The following FOXR1 variants were observed in gnomAD, a reference collection of about 807,000 sequenced individuals.
FOXR1 encodes the protein forkhead box protein R1.
A neutral mutation model predicts 34.5 loss-of-function variants in FOXR1; 25 were observed. The observed-to-expected ratio is 0.72, with a 90% CI of 0.53 to 1.01. The LOEUF is 1.01. Among genes scored for constraint, FOXR1 ranks in the 50% least tolerant of loss-of-function variants. FOXR1 has a pLI of 0.00. For synonymous variants in FOXR1, 153 were observed against 141.6 expected (o/e 1.08, Z -0.57); for missense variants, 373 against 376.2 (o/e 0.99, Z 0.07).
In FOXR1 at chr11:118,980,742, T is replaced by C. The variant is rs1252898038; in HGVS notation, c.850+14T>C. 2 of 1,604,636 alleles carry C rather than the reference T, an allele frequency of 1.2e-6. No individual in the cohort carries two copies. Among genetic ancestry groups the C allele is most frequent in the Non-Finnish European group, 1.7e-6 (2 of 1,176,284 alleles). ...TGAGCCAGCCAGGTGTGAAGACTTGTTGTGCGTGGGCCCAAGGGGAAGAGA... is the reference window on the plus strand; with the variant it reads ...TGAGCCAGCCAGGTGTGAAGACTTGCTGTGCGTGGGCCCAAGGGGAAGAGA... On this transcript the variant is annotated intron_variant, in intron 5 of 5. Coordinates refer to ENST00000317011, the MANE Select transcript of FOXR1 (RefSeq NM_181721.3).
At chr11:118,977,087 G>A (rs1941788193) in intron 1 of FOXR1, among the ~76,000 whole-genome samples, 1 of 152,166 alleles carries the variant, frequency 6.6e-6, no homozygotes, top group Non-Finnish European at 1.5e-5. Flanking sequence ...CTGGAGTGTA[G>A]TGGCACGATC....
intron 1 of FOXR1, among the ~76,000 whole-genome samples, chr11:118,976,093 G>A (rs1473732009): frequency 6.6e-6 from 1 of 152,230 alleles, no homozygotes; most frequent in South Asian, 2.1e-4. Context: ...GCATAAATGA[G>A]GTTACGGAGA....
chr11:118,973,248 A>G (rs1941737805), intron 1 of FOXR1, among the ~76,000 whole-genome samples: 1 of 152,202 alleles, frequency 6.6e-6, no homozygotes, highest in Non-Finnish European at 1.5e-5. Flanking sequence ...TGAATAGAAC[A>G]GACAAGGAAC....
chr11:118,981,071 G>A (rs1037235607), intron 5 of FOXR1, 137 bp from the exon 6 acceptor site: 5 of 837,682 alleles, frequency 6.0e-6, no homozygotes, highest in East Asian at 2.4e-5. Flanking sequence ...CTGGAGCAGT[G>A]CAGGGAGGCT....
chr11:118,978,661 A>G, intron 1 of FOXR1, 121 bp from the exon 2 acceptor site: 1 of 953,764 alleles, frequency 1.0e-6, no homozygotes, highest in Non-Finnish European at 1.7e-6. Flanking sequence ...GTAGAATGTG[A>G]TGTTAACTCC....
chr11:118,972,613 C>CT (rs796683351), intron 1 of FOXR1, among the ~76,000 whole-genome samples: 4,840 of 76,854 alleles, frequency 0.063, 215 homozygotes, highest in African/African-American at 0.15. Context: ...TGGATTAACT[C>CT]TTTTTTTTTT....
chr11:118,972,128 C>CG (rs1941713925), intron 1 of FOXR1, 136 bp downstream of exon 1: 4 of 450,072 alleles, frequency 8.9e-6, no homozygotes, highest in Non-Finnish European at 1.3e-5. Context: ...GAGCGCCCCG[C>CG]GCCCCCCCCC....
Position 118,971,822 on chromosome 11 carries a change from C to G in FOXR1, c.-110C>G, listed in dbSNP as rs965947092. The stretch of plus-strand genomic sequence containing the variant: ...CCGCCGCGCTCCCACTCCGCGTCCC[C>G]ACTCCGCGCCGCCGCGCCTCTGCCA... On this transcript the variant is annotated 5_prime_UTR_variant, in exon 1 of 6. Coordinates refer to ENST00000317011, the MANE Select transcript of FOXR1 (RefSeq NM_181721.3). 50 of 1,223,918 alleles carry G rather than the reference C, an allele frequency of 4.1e-5. No homozygotes were observed. The highest frequency in any genetic ancestry group is 3.1e-4 in the South Asian group (24 of 77,520). The allele number at this position is 1,223,918 out of a possible 1,614,324, so 75.8% of individuals were successfully genotyped here. A position where few individuals can be genotyped will look rare whatever the true frequency, so the allele number is the denominator to read the frequency against.
chr11:118,977,283 C>T (rs528873301), intron 1 of FOXR1, among the ~76,000 whole-genome samples: 5 of 152,194 alleles, frequency 3.3e-5, no homozygotes, highest in Non-Finnish European at 7.4e-5. Context: ...CCACCTGCCT[C>T]GGCCTCCCAA....
chr11:118,971,789 C>T lies in FOXR1; in HGVS notation c.-143C>T, dbSNP rs550960107. 2.6e-5 allele frequency: 22 copies of T among 840,684 alleles called. No individual in the cohort carries two copies. Among genetic ancestry groups the T allele is most frequent in the African/African-American group, 1.7e-4 (10 of 59,622 alleles). 52.1% of individuals were successfully genotyped at this position (840,684 alleles called of 1,614,324 possible). A position where few individuals can be genotyped will look rare whatever the true frequency, so the allele number is the denominator to read the frequency against. ...TTTGAGAAGGCGCCTGTGAGGGTCG[C>T]TCCTCAGCCGCCGCGCTCCCACTCC... On this transcript the variant is annotated 5_prime_UTR_variant, in exon 1 of 6. Coordinates refer to ENST00000317011, the MANE Select transcript of FOXR1 (RefSeq NM_181721.3).
chr11:118,978,720 T>G, intron 1 of FOXR1, 62 bp from the exon 2 acceptor site: 1 of 1,580,052 alleles, frequency 6.3e-7, no homozygotes, highest in Non-Finnish European at 8.7e-7. Flanking sequence ...AGGCCTAGGA[T>G]CCTAGGGTCA....
At chr11:118,974,799 T>C (rs1225731018) in intron 1 of FOXR1, among the ~76,000 whole-genome samples, 2 of 152,080 alleles carry the variant, frequency 1.3e-5, no homozygotes, top group African/African-American at 4.8e-5. Flanking sequence ...TGCTGATGGA[T>C]TGGATATGGC....
chr11:118,980,635 T>A lies in FOXR1; in HGVS notation c.757T>A (p.Leu253Met), dbSNP rs1437820365. The change falls in exon 5 of 6, where the codon TTG becomes ATG. Residue 253 changes from leucine (L) to methionine (M), a missense_variant. Physicochemically the swap from Leu to Met is conservative, Grantham distance 15 (BLOSUM62 2). Transcript: ENST00000317011. The stretch of plus-strand genomic sequence containing the variant: ...ACGGCCTCGATCTTGCCTCTGGAAG[T>A]TGACCGAGGAGGGACACCGCCGCTT... ...STRPRSCLWK[L>M]TEEGHRRFAE... The A allele has an allele frequency of 1.2e-6, 2 of 1,614,192 alleles. No homozygotes were observed. The highest frequency in any genetic ancestry group is 2.2e-5 in the South Asian group (2 of 91,088).
chr11:118,979,558 G>A lies in FOXR1; in HGVS notation c.501G>A (p.Ala167=), dbSNP rs782000138. The A allele has an allele frequency of 1.6e-5, 26 of 1,613,370 alleles. No individual in the cohort carries two copies. Among genetic ancestry groups the A allele is most frequent in the South Asian group, 3.3e-5 (3 of 90,918 alleles). Residue 167 remains alanine (A), a synonymous_variant, in exon 4 of 6, where the codon GCG becomes GCA. Coordinates refer to ENST00000317011, the MANE Select transcript of FOXR1 (RefSeq NM_181721.3). Reference sequence around the variant, plus strand: ...GGCTTCGGCAAGCCAGCAGCCAGGCGGGGAGGCTCTGGTCCCGGCCCCCTC... The same window carrying A: ...GGCTTCGGCAAGCCAGCAGCCAGGCAGGGAGGCTCTGGTCCCGGCCCCCTC... ...SRRLRQASSQ[A]GRLWSRPPLN... is the part of the protein sequence containing the mutation.
Position 118,979,271 on chromosome 11 carries a change from C to T in FOXR1, c.384+67C>T. ...CGAGGGGCATGGGGAAGAGCCATTA[C>T]AGTTCTGCTCTCTTAGCCATAGCAA... On this transcript the variant is annotated intron_variant, in intron 3 of 5. Transcript: ENST00000317011. The T allele has an allele frequency of 2.0e-6, 3 of 1,500,896 alleles. 1 individual carries two copies. The highest frequency in any genetic ancestry group is 2.7e-6 in the Non-Finnish European group (3 of 1,128,014). 93.0% of individuals were successfully genotyped at this position (1,500,896 alleles called of 1,614,324 possible).
rs1304302581 is a variant in FOXR1 at position 118,979,191 on chromosome 11, C to T, written c.371C>T (p.Pro124Leu). ...SPPRKRFAFSPSTWELTEEEE... is the reference protein window; with the variant it reads ...SPPRKRFAFSLSTWELTEEEE... ...CCTCGGAAGCGGTTTGCCTTTTCCC[C>T]CAGCACCTGGGAGGTATGCATTTTT... The change falls in exon 3 of 6, where the codon CCC becomes CTC. Residue 124 changes from proline to leucine, a missense_variant. By Grantham distance (98) the Pro-to-Leu change is moderately conservative. Coordinates refer to ENST00000317011, the MANE Select transcript of FOXR1 (RefSeq NM_181721.3). The T allele has an allele frequency of 3.9e-6, 6 of 1,527,984 alleles. No homozygotes were observed. The highest frequency in any genetic ancestry group is 1.9e-4 in the Middle Eastern group (1 of 5,194). The allele number at this position is 1,527,984 out of a possible 1,614,324, so 94.7% of individuals were successfully genotyped here.
chr11:118,972,875 C>G (rs1047103951), intron 1 of FOXR1, among the ~76,000 whole-genome samples: 1 of 151,562 alleles, frequency 6.6e-6, no homozygotes, highest in Non-Finnish European at 1.5e-5. Flanking sequence ...GCCTGAGCCA[C>G]CGCCCCCGGC....
rs782633580 is a variant in FOXR1 at position 118,978,954 on chromosome 11, C to G, written c.137-3C>G. ...GTGGCACACAATCTTTTGTTCTGCACAGGTCCAGATTATGAGCCCAACCTC... is the reference window on the plus strand; with the variant it reads ...GTGGCACACAATCTTTTGTTCTGCAGAGGTCCAGATTATGAGCCCAACCTC... On this transcript the variant is annotated splice_region_variant and splice_polypyrimidine_tract_variant and intron_variant, in intron 2 of 5. Transcript: ENST00000317011. 6.2e-7 allele frequency: 1 copy of G among 1,611,350 alleles called. No individual in the cohort carries two copies. The highest frequency in any genetic ancestry group is 1.7e-5 in the Admixed American group (1 of 59,634).
chr11:118,972,409 C>T (rs1299154978), intron 1 of FOXR1, among the ~76,000 whole-genome samples: 3 of 151,990 alleles, frequency 2.0e-5, no homozygotes, highest in Non-Finnish European at 4.4e-5. Flanking sequence ...AAAAACAGGC[C>T]TCATCGTTTT....
Sources: allele counts gnomAD v4.1 joint callset (sites outside exome capture counted in the v4.1 genomes callset), GRCh38; gene constraint gnomAD v4.1.1; transcripts MANE v1.5; gene names NCBI Gene and HGNC (gene_info 2026-07-23, HGNC 2026-07-21).